ERP27: variants seen among roughly 807,000 people sequenced by gnomAD.
The protein encoded by ERP27 is endoplasmic reticulum resident protein 27.
In ERP27, 23 loss-of-function variants were observed where a neutral mutation model predicts 27.7. The ratio of observed to expected loss-of-function variants is 0.83; its 90% CI spans 0.60 to 1.18. The LOEUF is 1.18. Among genes scored for constraint, ERP27 ranks in the 50% most tolerant of loss-of-function variants. ERP27 has a pLI of 0.00. For synonymous variants in ERP27, 159 were observed against 118.3 expected, an observed-to-expected ratio of 1.34 and a Z score of -2.23; for missense variants, 363 against 327.9, an observed-to-expected ratio of 1.11 and a Z score of -0.83.
At position 14,929,150 on chromosome 12, in the gene ERP27, T is replaced by C. The variant is rs1202433409; in HGVS notation, c.333+5706A>G. Reference sequence around the variant, plus strand: ...CATGGATCAAGAATCCCCCCCTCCCTGTACTCTTTTCCGGGCAGTCCTTCA... The same window carrying C: ...CATGGATCAAGAATCCCCCCCTCCCCGTACTCTTTTCCGGGCAGTCCTTCA... On this transcript the variant is annotated intron_variant, in intron 3 of 6. Transcript: ENST00000266397. The C allele has an allele frequency of 3.5e-6, 5 of 1,417,602 alleles. No homozygotes were observed. The Admixed American group carries it at 7.8e-5, about 22-fold the overall frequency. 87.8% of individuals were successfully genotyped at this position (1,417,602 alleles called of 1,614,324 possible).
chr12:14,938,010 A>G lies in ERP27; in HGVS notation c.137T>C (p.Val46Ala), dbSNP rs761306527. The change falls in exon 2 of 7, where the codon GTC becomes GCC. Residue 46 changes from valine (V) to alanine (A), a missense_variant. Physicochemically the swap from Val to Ala is moderately conservative, Grantham distance 64 (BLOSUM62 0). Coordinates refer to ENST00000266397, the MANE Select transcript of ERP27 (RefSeq NM_152321.4). ...AAQEPTWLTD[V>A]PAAMEFIAAT... ...AGCAATGAATTCCATGGCAGCTGGGACATCTGTGAGCCACGTGGGTTCCTG... is the reference window on the plus strand; with the variant it reads ...AGCAATGAATTCCATGGCAGCTGGGGCATCTGTGAGCCACGTGGGTTCCTG... The G allele has an allele frequency of 2.5e-6, 4 of 1,613,976 alleles. No individual in the cohort carries two copies. In the East Asian group the frequency reaches 8.9e-5, roughly 36 times the overall value.
intron 3 of ERP27, among the ~76,000 whole-genome samples, chr12:14,923,487 T>TAATC (rs770443474): frequency 0.026 from 3,768 of 145,870 alleles, 77 homozygotes; most frequent in African/African-American, 0.042. Flanking sequence ...TATCTATCTA[T>TAATC]AATCAATCTA....
chr12:14,917,885 T>A (rs1592272640), intron 4 of ERP27, among the ~76,000 whole-genome samples: 1 of 152,188 alleles, frequency 6.6e-6, no homozygotes, highest in African/African-American at 2.4e-5. Flanking sequence ...CATGAGATTA[T>A]CAATGTTTTT....
intron 1 of ERP27, 71 bp from the exon 2 acceptor site, chr12:14,938,123 A>G (rs1863799748): frequency 5.6e-6 from 7 of 1,254,902 alleles, no homozygotes; most frequent in South Asian, 1.2e-5. Flanking sequence ...GAGGGCATCT[A>G]TACCTTTTAT....
chr12:14,938,065 G>A lies in ERP27; in HGVS notation c.95-13C>T, dbSNP rs1223244269. On this transcript the variant is annotated splice_polypyrimidine_tract_variant and intron_variant, in intron 1 of 6. Transcript: ENST00000266397. ...GCACCAGGACCATCTAGAGAGAGAA[G>A]CAGAAGATGTCAGGGTACTGAGGCA... The A allele has an allele frequency of 1.9e-6, 3 of 1,607,556 alleles. No individual in the cohort carries two copies. Among genetic ancestry groups the A allele is most frequent in the African/African-American group, 1.3e-5 (1 of 74,906 alleles).
intron 6 of ERP27, 117 bp from the exon 7 acceptor site, chr12:14,914,899 G>T: frequency 2.5e-6 from 2 of 811,478 alleles, no homozygotes; most frequent in African/African-American, 1.7e-5. Flanking sequence ...AGTTTGATTT[G>T]TTGCCCATTA....
chr12:14,919,475 C>T lies in ERP27; in HGVS notation c.450+1457G>A, dbSNP rs142862198. On this transcript the variant is annotated intron_variant, in intron 4 of 6. Transcript: ENST00000266397. ...TTTTCTGGCCCCACATGCAGAAGAA[C>T]ACCTTTTTGATTATTACTGCCAATA... Among the ~76,000 whole-genome samples the T allele has an allele frequency of 3.8e-3, 576 of 152,170 alleles. 5 individuals are homozygous for T. Among genetic ancestry groups the T allele is most frequent in the African/African-American group, 0.012 (519 of 41,526 alleles).
intron 2 of ERP27, among the ~76,000 whole-genome samples, chr12:14,937,537 G>A (rs1330154649): frequency 6.6e-6 from 1 of 152,226 alleles, no homozygotes; most frequent in Non-Finnish European, 1.5e-5. Context: ...TGTCCAGGAT[G>A]TTTGGCATCC....
At chr12:14,920,543 A>C (rs1352032514) in intron 4 of ERP27, among the ~76,000 whole-genome samples, 1 of 151,882 alleles carries the variant, frequency 6.6e-6, no homozygotes, top group Non-Finnish European at 1.5e-5. Context: ...GCTAATTTTA[A>C]AAGTTTTTGG....
In ERP27 at chr12:14,917,283, G is replaced by A; in HGVS notation, c.471C>T (p.Asn157=). The stretch of plus-strand genomic sequence containing the variant: ...GGAGGAGATGAATCTGAATTACGCT[G>A]TTGAATAACCCAATCACAGTCTGGC... ...YNPVTVIGLF[N]SVIQIHLLLI... Residue 157 remains asparagine, a synonymous_variant, in exon 5 of 7, where the codon AAC becomes AAT. Coordinates refer to ENST00000266397, the MANE Select transcript of ERP27 (RefSeq NM_152321.4). The A allele has an allele frequency of 6.2e-7, 1 of 1,614,152 alleles. No homozygotes were observed. The highest frequency in any genetic ancestry group is 8.5e-7 in the Non-Finnish European group (1 of 1,180,002).
Position 14,917,208 on chromosome 12 carries a change from G to A in ERP27, c.546C>T (p.Tyr182=). 1 of 1,614,074 alleles carries A rather than the reference G, an allele frequency of 6.2e-7. No individual in the cohort carries two copies. Among genetic ancestry groups the A allele is most frequent in the Non-Finnish European group, 8.5e-7 (1 of 1,180,006 alleles). ...SPEYEENMHR[Y]QKAAKLFQGK... is the part of the protein sequence containing the mutation. ...CCTGGAAGAGCTTGGCTGCCTTCTGGTATCTGTGCATGTTCTCTTCATACT... is the reference window on the plus strand; with the variant it reads ...CCTGGAAGAGCTTGGCTGCCTTCTGATATCTGTGCATGTTCTCTTCATACT... The change falls in exon 5 of 7, where the codon TAC becomes TAT. Residue 182 remains tyrosine (Y), a synonymous_variant. Coordinates refer to ENST00000266397, the MANE Select transcript of ERP27 (RefSeq NM_152321.4).
At chr12:14,936,911 C>G (rs1041378149) in intron 2 of ERP27, among the ~76,000 whole-genome samples, 3 of 152,090 alleles carry the variant, frequency 2.0e-5, no homozygotes, top group Non-Finnish European at 2.9e-5. Context: ...CTAACATACC[C>G]GTCTTGCATC....
rs1041436129 is a variant in ERP27, at chr12:14,938,111, A to G, written c.95-59T>C. On this transcript the variant is annotated intron_variant, in intron 1 of 6. Transcript: ENST00000266397. The stretch of plus-strand genomic sequence containing the variant: ...AGGCAAGAAGAAGCAGCTCTAAATA[A>G]TGAGGGCATCTATACCTTTTATCTC... 7.2e-6 allele frequency: 10 copies of G among 1,379,510 alleles called. No homozygotes were observed. The African/African-American group carries it at 8.6e-5, about 12-fold the overall frequency. The allele number at this position is 1,379,510 out of a possible 1,614,324, so 85.5% of individuals were successfully genotyped here.
At chr12:14,935,631 T>A (rs1863762260) in intron 2 of ERP27, among the ~76,000 whole-genome samples, 1 of 152,220 alleles carries the variant, frequency 6.6e-6, no homozygotes, top group African/African-American at 2.4e-5. Flanking sequence ...GGGGCCCAGA[T>A]GCCTGTGGTT....
At chr12:14,933,847 T>G (rs1251136107) in intron 3 of ERP27, among the ~76,000 whole-genome samples, 1 of 152,198 alleles carries the variant, frequency 6.6e-6, no homozygotes, top group Non-Finnish European at 1.5e-5. Context: ...TTGCTACCTC[T>G]CTACTACAGA....
At chr12:14,929,332 C>T (rs1863662256) in intron 3 of ERP27, among the ~76,000 whole-genome samples, 1 of 152,204 alleles carries the variant, frequency 6.6e-6, no homozygotes, top group Admixed American at 6.5e-5. Context: ...GCAGTCTCTC[C>T]AGTTTGTTGT....
At chr12:14,916,504 T>A (rs1198475026) in intron 5 of ERP27, among the ~76,000 whole-genome samples, 1 of 152,220 alleles carries the variant, frequency 6.6e-6, no homozygotes, top group Admixed American at 6.5e-5. Context: ...TAAATGTAGA[T>A]TATTTTATAT....
chr12:14,922,609 ATAGT>A (rs1294637299), intron 3 of ERP27, among the ~76,000 whole-genome samples: 1 of 152,218 alleles, frequency 6.6e-6, no homozygotes, highest in African/African-American at 2.4e-5. Context: ...TAATTTAAAC[ATAGT>A]TAAAGTTATC....
chr12:14,932,077 G>C (rs746924658), intron 3 of ERP27, among the ~76,000 whole-genome samples: 10 of 152,144 alleles, frequency 6.6e-5, no homozygotes, highest in Non-Finnish European at 1.5e-4. Flanking sequence ...TGCTTTTGGA[G>C]GTGAGTTTAG....
Sources: allele counts gnomAD v4.1 joint callset (sites outside exome capture counted in the v4.1 genomes callset), GRCh38; gene constraint gnomAD v4.1.1; transcripts MANE v1.5; gene names NCBI Gene and HGNC (gene_info 2026-07-23, HGNC 2026-07-21).